Variants in ABCC4 observed in about 807,000 individuals in gnomAD.
ABCC4 encodes the protein ATP binding cassette subfamily C member 4 (PEL blood group).
ABCC4 carries 102 observed loss-of-function variants against 168.5 expected under a neutral mutation model. The observed-to-expected ratio is 0.61, with a 90% CI of 0.52 to 0.71. ABCC4 has a LOEUF of 0.71. Among genes scored for constraint, ABCC4 ranks in the 30% least tolerant of loss-of-function variants. The pLI, the probability that ABCC4 is intolerant of heterozygous loss-of-function variation, is 0.00. For missense variants in ABCC4, 1,402 were observed against 1,605.8 expected (o/e 0.87, Z 2.17); for synonymous variants, 617 against 590.7 (o/e 1.04, Z -0.65).
chr13:95,156,011 C>T (rs1366896198), intron 19 of ABCC4, among the ~76,000 whole-genome samples: 1 of 152,190 alleles, frequency 6.6e-6, no homozygotes, highest in African/African-American at 2.4e-5. Context: ...TCTTTCTCTG[C>T]AAACTCATGC....
At chr13:95,297,880 AGGTG>A (rs2041576187) in intron 1 of ABCC4, among the ~76,000 whole-genome samples, 1 of 152,190 alleles carries the variant, frequency 6.6e-6, no homozygotes, top group African/African-American at 2.4e-5. Context: ...GGGAACTACG[AGGTG>A]ACTGCTGTGT....
intron 9 of ABCC4, among the ~76,000 whole-genome samples, chr13:95,190,599 G>A (rs772715283): frequency 6.6e-6 from 1 of 152,150 alleles, no homozygotes; most frequent in African/African-American, 2.4e-5. Context: ...CAAATAAAGA[G>A]AGGAATGGTT....
chr13:95,206,811 C>G, intron 7 of ABCC4, 30 bp from the exon 8 acceptor site: 1 of 1,609,892 alleles, frequency 6.2e-7, no homozygotes. Context: ...TTTAAAAAAG[C>G]AGTGATGTCA....
chr13:95,226,600 A>G (rs1338359232), intron 4 of ABCC4, among the ~76,000 whole-genome samples: 4 of 152,196 alleles, frequency 2.6e-5, no homozygotes, highest in Non-Finnish European at 5.9e-5. Flanking sequence ...AAATGACAGC[A>G]CTGAGATGTG....
chr13:95,273,800 GT>G (rs10573889), intron 1 of ABCC4, among the ~76,000 whole-genome samples: 11 of 127,106 alleles, frequency 8.7e-5, no homozygotes, highest in East Asian at 2.9e-4. Flanking sequence ...GATCTGATGG[GT>G]TTTTTTTTTG....
intron 19 of ABCC4, among the ~76,000 whole-genome samples, chr13:95,157,125 C>CAT (rs1024980034): frequency 8.5e-5 from 12 of 140,914 alleles, no homozygotes; most frequent in Non-Finnish European, 1.7e-4. Flanking sequence ...CACACACACA[C>CAT]ACACAAACAG....
At chr13:95,033,754 C>G (rs1205532540) in intron 30 of ABCC4, among the ~76,000 whole-genome samples, 1 of 151,706 alleles carries the variant, frequency 6.6e-6, no homozygotes, top group East Asian at 1.9e-4. Flanking sequence ...CCTCCGCCTC[C>G]TCGGTTCAAG....
chr13:95,297,657 A>G (rs1369114863), intron 1 of ABCC4, among the ~76,000 whole-genome samples: 1 of 152,174 alleles, frequency 6.6e-6, no homozygotes, highest in Admixed American at 6.5e-5. Context: ...CAGGAGGCTA[A>G]GGCACAAAAT....
chr13:95,245,005 T>A (rs4148447), intron 3 of ABCC4, among the ~76,000 whole-genome samples: 46,959 of 151,934 alleles, frequency 0.31, 8,876 homozygotes, highest in Non-Finnish European at 0.42. Context: ...CCATGCTCCT[T>A]GCACCAGAGT....
In ABCC4 at chr13:95,060,901, C is replaced by T. The variant is rs572233124; in HGVS notation, c.3366+1803G>A. ...CTATGTGAAATAATGTAACTCCCAACCCCCCACCTTCCCTCAGCCCCTGGT... is the reference window on the plus strand; with the variant it reads ...CTATGTGAAATAATGTAACTCCCAATCCCCCACCTTCCCTCAGCCCCTGGT... On this transcript the variant is annotated intron_variant, in intron 26 of 30. Coordinates refer to ENST00000645237, the MANE Select transcript of ABCC4 (RefSeq NM_005845.5). 3.9e-5 allele frequency among the ~76,000 whole-genome samples: 6 copies of T among 152,244 alleles called. No homozygotes were observed. The Middle Eastern group carries it at 0.014, about 345-fold the overall frequency.
At chr13:95,100,805 C>T (rs939040397) in intron 20 of ABCC4, among the ~76,000 whole-genome samples, 4 of 152,262 alleles carry the variant, frequency 2.6e-5, no homozygotes, top group Admixed American at 6.5e-5. Context: ...TTTCAAATGA[C>T]GGCAAGGCGA....
At chr13:95,210,613 G>C in intron 5 of ABCC4, 79 bp downstream of exon 5, 1 of 1,212,350 alleles carries the variant, frequency 8.2e-7, no homozygotes, top group African/African-American at 1.5e-5. Context: ...AACAGAGTGA[G>C]CCCCTGCCTC....
chr13:95,230,064 C>T (rs908375089), intron 4 of ABCC4, among the ~76,000 whole-genome samples: 6 of 152,234 alleles, frequency 3.9e-5, no homozygotes, highest in Non-Finnish European at 7.3e-5. Context: ...TGACTTGTGA[C>T]TGACGACATT....
chr13:95,185,515 A>G (rs1249738522), intron 11 of ABCC4, among the ~76,000 whole-genome samples: 1 of 152,226 alleles, frequency 6.6e-6, no homozygotes, highest in Non-Finnish European at 1.5e-5. Flanking sequence ...GCCATTGTTC[A>G]AGCAAAATTA....
Position 95,160,025 on chromosome 13 carries a change from G to A in ABCC4, c.2455+1164C>T, listed in dbSNP as rs188268470. ...TTAATTCTCATAAGATTTCAATTTGGTGGGTATGAATAGTATCCCTATTTT... is the reference window on the plus strand; with the variant it reads ...TTAATTCTCATAAGATTTCAATTTGATGGGTATGAATAGTATCCCTATTTT... On this transcript the variant is annotated intron_variant, in intron 19 of 30. Transcript: ENST00000645237. Among the ~76,000 whole-genome samples, 392 of 152,194 alleles carry A rather than the reference G, an allele frequency of 2.6e-3. 4 individuals carry two copies. The highest frequency in any genetic ancestry group is 9.1e-3 in the African/African-American group (379 of 41,504).
At chr13:95,274,205 T>C (rs544466427) in intron 1 of ABCC4, among the ~76,000 whole-genome samples, 12 of 152,336 alleles carry the variant, frequency 7.9e-5, no homozygotes, top group Non-Finnish European at 1.6e-4. Flanking sequence ...AGATTTCTCA[T>C]ACAGCAGGGT....
At chr13:95,257,067 T>A (rs2040410678) in intron 1 of ABCC4, among the ~76,000 whole-genome samples, 1 of 152,194 alleles carries the variant, frequency 6.6e-6, no homozygotes, top group Admixed American at 6.5e-5. Flanking sequence ...ACATATTAAT[T>A]TTTGACTCCC....
intron 19 of ABCC4, among the ~76,000 whole-genome samples, chr13:95,132,763 C>T (rs1309254732): frequency 6.6e-6 from 1 of 152,150 alleles, no homozygotes; most frequent in African/African-American, 2.4e-5. Context: ...CTGGGCCATT[C>T]TACAACATAG....
At position 95,266,596 on chromosome 13, in the gene ABCC4, AC is replaced by A. The variant is rs1178315478; in HGVS notation, c.75-18844del. On this transcript the variant is annotated intron_variant, in intron 1 of 30. Coordinates refer to ENST00000645237, the MANE Select transcript of ABCC4 (RefSeq NM_005845.5). ...GGCAGACATGTAGCTGTCCTGGGGC[AC>A]GCAGTTTGCATGTGACAGGGCTGAG... Among the ~76,000 whole-genome samples, 4 of 152,218 alleles carry A rather than the reference AC, an allele frequency of 2.6e-5. No homozygotes were observed. In the East Asian group the frequency reaches 7.7e-4, roughly 29 times the overall value.
Sources: allele counts gnomAD v4.1 joint callset (sites outside exome capture counted in the v4.1 genomes callset), GRCh38; gene constraint gnomAD v4.1.1; transcripts MANE v1.5; gene names NCBI Gene and HGNC (gene_info 2026-07-23, HGNC 2026-07-21).